The following PCDH17 variants were observed in gnomAD, a reference collection of about 807,000 sequenced individuals.
PCDH17 encodes protocadherin-17.
PCDH17 carries 21 observed loss-of-function variants against 67.7 expected under a neutral mutation model. The observed-to-expected ratio is 0.31, with a 90% CI of 0.22 to 0.45. PCDH17 has a LOEUF of 0.45. Ranked by LOEUF, PCDH17 falls within the 20% of genes least tolerant of loss-of-function variation. The pLI, the probability that PCDH17 is intolerant of heterozygous loss-of-function variation, is 1.00. For missense variants in PCDH17, 1,471 were observed against 1,564.8 expected (o/e 0.94, Z 1.01); for synonymous variants, 701 against 656.7 (o/e 1.07, Z -1.03).
At chr13:57,667,048 A>T (rs1566228130) in intron 3 of PCDH17, among the ~76,000 whole-genome samples, 1 of 152,156 alleles carries the variant, frequency 6.6e-6, no homozygotes, top group African/African-American at 2.4e-5. Flanking sequence ...CATTAATCCT[A>T]AAACAAGAAC....
At chr13:57,682,094 T>C (rs571681559) in intron 3 of PCDH17, among the ~76,000 whole-genome samples, 1 of 151,836 alleles carries the variant, frequency 6.6e-6, no homozygotes, top group East Asian at 2.0e-4. Flanking sequence ...CCATTTTTTT[T>C]CCTCCATCCC....
chr13:57,701,263 C>G (rs968340435), intron 3 of PCDH17, among the ~76,000 whole-genome samples: 1 of 151,978 alleles, frequency 6.6e-6, no homozygotes, highest in African/African-American at 2.4e-5. Context: ...CTTTGTATCT[C>G]CCCCGTTTGT....
rs1226197900 is a variant in PCDH17, at chr13:57,633,095, T to G, written c.549T>G (p.Val183=). ...RDDHGLFGLD[V]KSRGDGTKFP... ...ATCACGGCCTCTTTGGACTGGACGTTAAGTCCCGCGGCGACGGCACCAAGT... is the reference window on the plus strand; with the variant it reads ...ATCACGGCCTCTTTGGACTGGACGTGAAGTCCCGCGGCGACGGCACCAAGT... The change falls in exon 1 of 4, where the codon GTT becomes GTG. Residue 183 remains valine, a synonymous_variant. Transcript: ENST00000377918. This position sits in a 1 kb window ranked among gnomAD's most constrained non-coding sequence, Gnocchi z 6.2. 6.2e-7 allele frequency: 1 copy of G among 1,613,326 alleles called. No individual in the cohort carries two copies. Among genetic ancestry groups the G allele is most frequent in the South Asian group, 1.1e-5 (1 of 91,060 alleles).
chr13:57,690,410 ATC>A (rs950870226), intron 3 of PCDH17, among the ~76,000 whole-genome samples: 1 of 151,706 alleles, frequency 6.6e-6, no homozygotes, highest in African/African-American at 2.4e-5. Context: ...CTATAATATC[ATC>A]TTACTGTAAT....
chr13:57,710,466 A>C (rs1955765674), intron 3 of PCDH17, among the ~76,000 whole-genome samples: 1 of 151,926 alleles, frequency 6.6e-6, no homozygotes, highest in African/African-American at 2.4e-5. Context: ...AATACATTTC[A>C]ATCTCTAAGT....
At chr13:57,653,441 A>G (rs182885767) in intron 1 of PCDH17, among the ~76,000 whole-genome samples, 2 of 152,288 alleles carry the variant, frequency 1.3e-5, no homozygotes, top group East Asian at 3.9e-4. Flanking sequence ...GAAAAGCTAG[A>G]TGAATCATAC....
At chr13:57,646,259 C>A (rs888975412) in intron 1 of PCDH17, among the ~76,000 whole-genome samples, 1 of 151,364 alleles carries the variant, frequency 6.6e-6, no homozygotes, top group African/African-American at 2.4e-5. Flanking sequence ...GCAAGCTAAG[C>A]CTTCATATAA....
In PCDH17 at chr13:57,634,562, C is replaced by T. The variant is rs1954790772; in HGVS notation, c.2016C>T (p.Thr672=). 1 of 1,613,122 alleles carries T rather than the reference C, an allele frequency of 6.2e-7. No homozygotes were observed. Among genetic ancestry groups the T allele is most frequent in the African/African-American group, 1.3e-5 (1 of 74,884 alleles). ...AGGTGACCGACCACGGCAAGCCTAC[C>T]CTGTCCGCAGTGGCCAAGCTCATCA... The part of the protein sequence containing the change: ...VVKVTDHGKP[T]LSAVAKLIIR... The change falls in exon 1 of 4, where the codon ACC becomes ACT. Residue 672 remains threonine (T), a synonymous_variant. Transcript: ENST00000377918. This position sits in a 1 kb window ranked among gnomAD's most constrained non-coding sequence, Gnocchi z 7.8.
chr13:57,651,707 C>G (rs143754463), intron 1 of PCDH17, among the ~76,000 whole-genome samples: 1 of 151,906 alleles, frequency 6.6e-6, no homozygotes, highest in Non-Finnish European at 1.5e-5. Context: ...GTTGCTTAAT[C>G]TTTTTAAATT....
chr13:57,666,346 C>A, intron 1 of PCDH17, 122 bp from the exon 2 acceptor site: 1 of 725,274 alleles, frequency 1.4e-6, no homozygotes, highest in Non-Finnish European at 2.4e-6. Context: ...TTAAAATGTA[C>A]AAATCTGAAG....
intron 3 of PCDH17, among the ~76,000 whole-genome samples, chr13:57,717,649 T>C (rs1244344966): frequency 6.6e-6 from 1 of 151,962 alleles, no homozygotes; most frequent in Non-Finnish European, 1.5e-5. Context: ...TTCAAAAGCA[T>C]TGTGCGATGC....
chr13:57,671,950 C>G (rs1955327552), intron 3 of PCDH17, among the ~76,000 whole-genome samples: 1 of 152,016 alleles, frequency 6.6e-6, no homozygotes, highest in African/African-American at 2.4e-5. Context: ...AATTCTTTCT[C>G]ATTTTTTCAT....
chr13:57,692,095 A>T (rs545637593), intron 3 of PCDH17, among the ~76,000 whole-genome samples: 3 of 151,300 alleles, frequency 2.0e-5, no homozygotes, highest in South Asian at 2.1e-4. Context: ...GGGCAGGCTG[A>T]TAACATTTTC....
Position 57,632,412 on chromosome 13 carries a change from G to A in PCDH17, c.-135G>A, listed in dbSNP as rs967499203. 8.4e-6 allele frequency: 7 copies of A among 834,598 alleles called. No homozygotes were observed. The highest frequency in any genetic ancestry group is 2.7e-5 in the East Asian group (1 of 37,662). The allele number at this position is 834,598 out of a possible 1,614,324, so 51.7% of individuals were successfully genotyped here. On this transcript the variant is annotated 5_prime_UTR_variant, in exon 1 of 4. Transcript: ENST00000377918. ...GACCACCGGGTGCCGCAGCTCGGGT[G>A]CAGAGGGAAAAAAGGACCCATAGAC...
At chr13:57,695,440 AAAGAAAG>A (rs1006750003) in intron 3 of PCDH17, among the ~76,000 whole-genome samples, 9 of 151,006 alleles carry the variant, frequency 6.0e-5, no homozygotes, top group African/African-American at 2.2e-4. Context: ...AGAAAGAAAG[AAAGAAAG>A]AAAAGGAAGG....
At chr13:57,717,666 A>C (rs1049214152) in intron 3 of PCDH17, among the ~76,000 whole-genome samples, 1 of 152,038 alleles carries the variant, frequency 6.6e-6, no homozygotes, top group Admixed American at 6.6e-5. Flanking sequence ...ATGCAGGTGC[A>C]TGCTAGAGGA....
In PCDH17 at chr13:57,632,502, G is replaced by T. The variant is rs759743677; in HGVS notation, c.-45G>T. On this transcript the variant is annotated 5_prime_UTR_variant, in exon 1 of 4. Coordinates refer to ENST00000377918, the MANE Select transcript of PCDH17 (RefSeq NM_001040429.3). ...CAGGCTGGCGCGCACTCCCTCTCTG[G>T]CTCCTCCAGTCCGATTGCTCCTGCC... The T allele has an allele frequency of 6.3e-5, 99 of 1,572,734 alleles. No individual in the cohort carries two copies. Among genetic ancestry groups the T allele is most frequent in the Non-Finnish European group, 6.0e-6 (7 of 1,159,198 alleles).
chr13:57,645,551 C>T (rs1362384029), intron 1 of PCDH17, among the ~76,000 whole-genome samples: 1 of 151,182 alleles, frequency 6.6e-6, no homozygotes. Context: ...TTTATAGTTA[C>T]CACTTTTGTA....
At chr13:57,690,608 G>C (rs1268303000) in intron 3 of PCDH17, among the ~76,000 whole-genome samples, 1 of 151,464 alleles carries the variant, frequency 6.6e-6, no homozygotes, top group Non-Finnish European at 1.5e-5. Flanking sequence ...CTAAATAAGA[G>C]AGGTGAAAAC....
Sources: allele counts gnomAD v4.1 joint callset (sites outside exome capture counted in the v4.1 genomes callset), GRCh38; gene constraint gnomAD v4.1.1; non-coding constraint Gnocchi (gnomAD v3.1); transcripts MANE v1.5; gene names NCBI Gene and HGNC (gene_info 2026-07-23, HGNC 2026-07-21).